The following NLRC5 variants were observed in gnomAD, a reference collection of about 807,000 sequenced individuals.
The protein encoded by NLRC5 is NLR family CARD domain containing 5.
A neutral mutation model predicts 206.9 loss-of-function variants in NLRC5; 114 were observed. That is an observed-to-expected ratio of 0.55 (90% CI 0.47 to 0.64). The LOEUF (loss-of-function observed/expected upper bound fraction) is 0.64, where lower values mean the gene tolerates loss of function less well. Ranked by LOEUF, NLRC5 falls within the 30% of genes least tolerant of loss-of-function variation. The probability of loss-of-function intolerance (pLI) is 0.00; values close to 1 mark genes in which losing one functional copy is unlikely to be tolerated. For synonymous variants in NLRC5, 952 were observed against 962.8 expected, an observed-to-expected ratio of 0.99 and a Z score of 0.21; for missense variants, 2,008 against 2,305.5, an observed-to-expected ratio of 0.87 and a Z score of 2.64.
intron 16 of NLRC5, 54 bp downstream of exon 16, chr16:57,039,903 T>C (rs1198316800): frequency 7.0e-7 from 1 of 1,438,148 alleles, no homozygotes; most frequent in Non-Finnish European, 9.8e-7. Flanking sequence ...TTCCCCTCTC[T>C]ACCCTCCACA....
chr16:57,059,430 C>G (rs1467066493), intron 29 of NLRC5, 37 bp from the exon 30 acceptor site: 1 of 1,579,998 alleles, frequency 6.3e-7, no homozygotes, highest in African/African-American at 1.3e-5. Flanking sequence ...GCTGGCATGT[C>G]TGGGCACCGT....
Position 57,058,087 on chromosome 16 carries a change from G to A in NLRC5, c.3769G>A (p.Asp1257Asn), listed in dbSNP as rs117587884. Residue 1257 changes from aspartate (D) to asparagine (N), a missense_variant, in exon 28 of 49, where the codon GAC becomes AAC. Asp to Asn is a conservative substitution (Grantham distance 23). Transcript: ENST00000688547. ...CAGTCTCTCAGCAAACCTGCTGGGCGACAGCGGACTCAGATGCCTTCTGGA... is the reference window on the plus strand; with the variant it reads ...CAGTCTCTCAGCAAACCTGCTGGGCAACAGCGGACTCAGATGCCTTCTGGA... ...QVDLSANLLGDSGLRCLLECL... is the reference protein window; with the variant it reads ...QVDLSANLLGNSGLRCLLECL... 0.017 allele frequency: 27,132 copies of A among 1,612,432 alleles called. 320 individuals carry two copies. Among genetic ancestry groups the A allele is most frequent in the Non-Finnish European group, 0.019 (22,128 of 1,179,200 alleles).
chr16:57,073,075 A>G (rs2067971203), intron 38 of NLRC5, among the ~76,000 whole-genome samples: 1 of 152,178 alleles, frequency 6.6e-6, no homozygotes, highest in Non-Finnish European at 1.5e-5. Context: ...TTGGAGGCCC[A>G]GTGAGGTCAT....
intron 30 of NLRC5, among the ~76,000 whole-genome samples, chr16:57,060,129 T>C (rs1204522664): frequency 6.6e-6 from 1 of 151,632 alleles, no homozygotes; most frequent in Admixed American, 6.6e-5. Flanking sequence ...ACTTCAGCTG[T>C]GAACAGGGCC....
At chr16:57,061,745 T>G in intron 32 of NLRC5, 44 bp downstream of exon 32, 1 of 1,584,146 alleles carries the variant, frequency 6.3e-7, no homozygotes, top group Non-Finnish European at 8.5e-7. Context: ...ATGGCATGAA[T>G]GGGAGCAGGG....
intron 1 of NLRC5, among the ~76,000 whole-genome samples, chr16:57,000,011 G>A (rs2058066315): frequency 6.6e-6 from 1 of 152,214 alleles, no homozygotes; most frequent in African/African-American, 2.4e-5. Flanking sequence ...GGTCTGGAGT[G>A]TGGCCCATTG....
At chr16:56,990,185 C>A (rs187472006) in intron 1 of NLRC5, among the ~76,000 whole-genome samples, 6 of 152,028 alleles carry the variant, frequency 3.9e-5, no homozygotes, top group Admixed American at 3.9e-4. Flanking sequence ...GTCACGACCC[C>A]AAGGCCACCT....
intron 46 of NLRC5, among the ~76,000 whole-genome samples, chr16:57,079,865 A>T (rs1420620820): frequency 4.6e-5 from 7 of 152,090 alleles, no homozygotes; most frequent in African/African-American, 1.7e-4. Context: ...CTTTTTCCCC[A>T]TTTGTAGATT....
chr16:57,024,704 T>G (rs893186089), intron 5 of NLRC5, among the ~76,000 whole-genome samples: 6 of 152,164 alleles, frequency 3.9e-5, no homozygotes, highest in Non-Finnish European at 7.3e-5. Flanking sequence ...AGAAAGAGGT[T>G]GTTTCAATAA....
chr16:57,032,114 T>G (rs1252289563), intron 11 of NLRC5, among the ~76,000 whole-genome samples: 9 of 152,036 alleles, frequency 5.9e-5, no homozygotes, highest in African/African-American at 2.2e-4. Flanking sequence ...GACCTGGTAG[T>G]GTAGGACCAA....
intron 1 of NLRC5, among the ~76,000 whole-genome samples, chr16:56,993,536 TA>T (rs2057221479): frequency 1.3e-5 from 2 of 152,158 alleles, no homozygotes; most frequent in Admixed American, 1.3e-4. Context: ...CTTGGATAAA[TA>T]AGGCAAATTA....
At chr16:57,058,804 G>A (rs1464673124) in intron 28 of NLRC5, among the ~76,000 whole-genome samples, 168 bp from the exon 29 acceptor site, 3 of 152,226 alleles carry the variant, frequency 2.0e-5, no homozygotes, top group Admixed American at 1.3e-4. Flanking sequence ...CTGCCTGTGT[G>A]GGGATGGTAT....
rs752315637 is a variant in NLRC5, at chr16:57,061,459, G to T, written c.3998G>T (p.Cys1333Phe). Residue 1333 changes from cysteine (C) to phenylalanine (F), a missense_variant, in exon 31 of 49, where the codon TGC (cysteine) becomes TTC (phenylalanine). Transcript: ENST00000688547. ...CTTTCTGCCCTCAGGCTAAGTGAGT[G>T]CAGCTTCCGGCCAGAGCACGTGTCC... is the stretch of plus-strand genomic sequence containing the variant. ...QAGKTLRLSE[C>F]SFRPEHVSRL... is the part of the protein sequence containing the mutation. The T allele has an allele frequency of 6.2e-7, 1 of 1,611,346 alleles. No homozygotes were observed. Among genetic ancestry groups the T allele is most frequent in the Non-Finnish European group, 8.5e-7 (1 of 1,180,016 alleles).
intron 39 of NLRC5, among the ~76,000 whole-genome samples, chr16:57,075,305 C>T (rs1430023030): frequency 2.6e-5 from 4 of 151,800 alleles, no homozygotes; most frequent in African/African-American, 4.9e-5. Context: ...CTGCAACCTC[C>T]GCCTCCCGGG....
At chr16:57,013,816 A>T (rs1033392355) in intron 1 of NLRC5, 1 of 702,252 alleles carries the variant, frequency 1.4e-6, no homozygotes, top group East Asian at 2.5e-5. Flanking sequence ...AACTAGCAGT[A>T]TCTCCAGCAT....
intron 1 of NLRC5, among the ~76,000 whole-genome samples, chr16:56,993,024 A>G (rs289752): frequency 0.41 from 62,466 of 151,518 alleles, 13,304 homozygotes; most frequent in African/African-American, 0.5. Flanking sequence ...CCCGAAGACA[A>G]CCAATGTTAT....
chr16:57,056,402 C>T lies in NLRC5; in HGVS notation c.3746+883C>T, dbSNP rs547801978. Among the ~76,000 whole-genome samples the T allele has an allele frequency of 1.1e-4, 17 of 151,726 alleles. No homozygotes were observed. In the South Asian group the frequency reaches 3.1e-3, roughly 28 times the overall value. ...AACTCCTGGGCTCAAGCGATCCTCCCACCTCAGCCTCTGGAGTAGCTGGGA... is the reference window on the plus strand; with the variant it reads ...AACTCCTGGGCTCAAGCGATCCTCCTACCTCAGCCTCTGGAGTAGCTGGGA... On this transcript the variant is annotated intron_variant, in intron 27 of 48. Coordinates refer to ENST00000688547, the MANE Select transcript of NLRC5 (RefSeq NM_001384950.1).
chr16:56,996,500 C>T (rs988029255), intron 1 of NLRC5, among the ~76,000 whole-genome samples: 2 of 151,944 alleles, frequency 1.3e-5, no homozygotes, highest in African/African-American at 4.8e-5. Flanking sequence ...AGTTTCTTTT[C>T]GATGATACCT....
chr16:57,016,922 G>A (rs1436407811), intron 1 of NLRC5, among the ~76,000 whole-genome samples, 152 bp from the exon 2 acceptor site: 3 of 152,194 alleles, frequency 2.0e-5, no homozygotes, highest in African/African-American at 7.2e-5. Context: ...GGAAGAACAA[G>A]GTCTAGCGGA....
Sources: allele counts gnomAD v4.1 joint callset (sites outside exome capture counted in the v4.1 genomes callset), GRCh38; gene constraint gnomAD v4.1.1; transcripts MANE v1.5; gene names NCBI Gene and HGNC (gene_info 2026-07-23, HGNC 2026-07-21).